The following SAMM50 variants were observed in gnomAD, a reference collection of about 807,000 sequenced individuals.
SAMM50 encodes sorting and assembly machinery component 50 homolog.
SAMM50 carries 47 observed loss-of-function variants against 66.9 expected under a neutral mutation model. The observed-to-expected ratio is 0.70, with a 90% CI of 0.56 to 0.90. The LOEUF is 0.90. SAMM50 is among the 40% of genes least tolerant of loss of function. The probability of loss-of-function intolerance (pLI) is 0.00; values close to 1 mark genes in which losing one functional copy is unlikely to be tolerated. For synonymous variants in SAMM50, 191 were observed against 214.1 expected (o/e 0.89, Z 0.94); for missense variants, 535 against 595.3 (o/e 0.90, Z 1.05).
At chr22:43,968,037 C>G (rs1252720938) in intron 3 of SAMM50, among the ~76,000 whole-genome samples, 1 of 151,658 alleles carries the variant, frequency 6.6e-6, no homozygotes, top group African/African-American at 2.4e-5. Context: ...GCCTGGCCAA[C>G]ATGGTGAAAT....
At chr22:43,956,103 G>A (rs1266399837) in intron 1 of SAMM50, among the ~76,000 whole-genome samples, 1 of 152,178 alleles carries the variant, frequency 6.6e-6, no homozygotes, top group South Asian at 2.1e-4. Context: ...TAAAGTGGAG[G>A]TAGTAATAGT....
chr22:43,966,676 G>A (rs775238987), intron 3 of SAMM50, among the ~76,000 whole-genome samples: 20 of 152,162 alleles, frequency 1.3e-4, no homozygotes, highest in Non-Finnish European at 1.8e-4. Flanking sequence ...CTCTCTTACA[G>A]CAGTCCATGA....
At chr22:43,985,134 C>G (rs2050285693) in intron 12 of SAMM50, among the ~76,000 whole-genome samples, 3 of 151,996 alleles carry the variant, frequency 2.0e-5, no homozygotes, top group South Asian at 4.2e-4. Flanking sequence ...CCGTATAACC[C>G]CCATAGCTTC....
chr22:43,996,283 A>G, intron 14 of SAMM50, 55 bp from the exon 15 acceptor site: 1 of 1,591,644 alleles, frequency 6.3e-7, no homozygotes, highest in Non-Finnish European at 8.6e-7. Flanking sequence ...GTGAGTCGTG[A>G]AGATGGCAGG....
chr22:43,983,980 G>A lies in SAMM50; in HGVS notation c.1055G>A (p.Ser352Asn). The change falls in exon 12 of 15, where the codon AGC becomes AAC. Residue 352 changes from serine (S) to asparagine (N), a missense_variant. Ser to Asn is a conservative substitution (Grantham distance 46). Coordinates refer to ENST00000350028, the MANE Select transcript of SAMM50 (RefSeq NM_015380.5). The surrounding 1 kb of genome is among the most constrained non-coding windows in gnomAD (Gnocchi z 4.2). ...PTSIRGFSMH[S>N]IGPQSEGDYL... ...AGCATCCGCGGATTCAGCATGCACAGCATCGGGCCACAGAGCGAAGGTCTG... is the reference window on the plus strand; with the variant it reads ...AGCATCCGCGGATTCAGCATGCACAACATCGGGCCACAGAGCGAAGGTCTG... The A allele has an allele frequency of 6.2e-7, 1 of 1,611,660 alleles. No homozygotes were observed. The highest frequency in any genetic ancestry group is 1.1e-5 in the South Asian group (1 of 90,380).
intron 1 of SAMM50, 106 bp downstream of exon 1, chr22:43,955,704 G>GAGGGTGCCA (rs2050115648): frequency 1.5e-6 from 2 of 1,303,052 alleles, no homozygotes; most frequent in African/African-American, 1.5e-5. Flanking sequence ...CACCGGGAGA[G>GAGGGTGCCA]AGGGTGCCAA....
chr22:43,977,822 C>T, intron 9 of SAMM50, 50 bp from the exon 10 acceptor site: 1 of 1,235,326 alleles, frequency 8.1e-7, no homozygotes, highest in Non-Finnish European at 1.2e-6. Flanking sequence ...TCTGTAGCCC[C>T]TGTAATAAGT....
chr22:43,965,460 G>A (rs1359600751), intron 3 of SAMM50, among the ~76,000 whole-genome samples: 5 of 152,008 alleles, frequency 3.3e-5, no homozygotes, highest in East Asian at 1.9e-4. Context: ...CACCTGCCTC[G>A]GCCTGCCAAA....
Position 43,977,971 on chromosome 22 carries a change from C to T in SAMM50, c.936+13C>T, listed in dbSNP as rs375928184. On this transcript the variant is annotated intron_variant, in intron 10 of 14. Coordinates refer to ENST00000350028, the MANE Select transcript of SAMM50 (RefSeq NM_015380.5). ...CATATTTGATTCAGTGAGTATCTAA[C>T]GGATGCTGGCACCTGCACTGTCAGC... 2.5e-4 allele frequency: 396 copies of T among 1,560,790 alleles called. No individual in the cohort carries two copies. The highest frequency in any genetic ancestry group is 6.7e-4 in the Middle Eastern group (4 of 5,998).
chr22:43,968,008 G>A (rs1233653903), intron 3 of SAMM50, among the ~76,000 whole-genome samples: 1 of 152,020 alleles, frequency 6.6e-6, no homozygotes, highest in Non-Finnish European at 1.5e-5. Flanking sequence ...GATCACCTGA[G>A]GTCAGGAGTT....
chr22:43,955,787 G>C (rs187440336), intron 1 of SAMM50, among the ~76,000 whole-genome samples, 189 bp downstream of exon 1: 2 of 152,362 alleles, frequency 1.3e-5, no homozygotes, highest in Non-Finnish European at 2.9e-5. Flanking sequence ...CCTTCGAGCA[G>C]GAACCTGATA....
At chr22:43,961,241 T>C (rs1346562223) in intron 1 of SAMM50, among the ~76,000 whole-genome samples, 1 of 152,216 alleles carries the variant, frequency 6.6e-6, no homozygotes, top group African/African-American at 2.4e-5. Flanking sequence ...TTGGTTCACA[T>C]AGTTTTCTCC....
chr22:43,965,281 C>T lies in SAMM50; in HGVS notation c.234+728C>T, dbSNP rs2050167414. 2.6e-5 allele frequency among the ~76,000 whole-genome samples: 4 copies of T among 151,822 alleles called. No individual in the cohort carries two copies. In the South Asian group the frequency reaches 8.3e-4, roughly 32 times the overall value. ...AGTGCAGTGACACAATCTCAGCTCA[C>T]TGCAACCTCTGCCTCCCAAGTTCAA... is the stretch of plus-strand genomic sequence containing the variant. On this transcript the variant is annotated intron_variant, in intron 3 of 14. Coordinates refer to ENST00000350028, the MANE Select transcript of SAMM50 (RefSeq NM_015380.5).
At chr22:43,956,135 A>G (rs1344953339) in intron 1 of SAMM50, among the ~76,000 whole-genome samples, 2 of 152,224 alleles carry the variant, frequency 1.3e-5, no homozygotes, top group African/African-American at 4.8e-5. Flanking sequence ...CTGGCTTAAA[A>G]GAGAATTAAA....
At chr22:43,968,659 C>G in intron 3 of SAMM50, 72 bp from the exon 4 acceptor site, 1 of 1,052,538 alleles carries the variant, frequency 9.5e-7, no homozygotes, top group South Asian at 1.3e-5. Flanking sequence ...CCAGCCTCGC[C>G]GTGTGGCTGC....
chr22:43,963,241 A>T (rs2050156498), intron 1 of SAMM50, 45 bp from the exon 2 acceptor site: 2 of 1,208,802 alleles, frequency 1.7e-6, no homozygotes, highest in East Asian at 2.4e-5. Flanking sequence ...GTGTGTGTAT[A>T]TATGTGACAA....
At chr22:43,957,616 G>T (rs562593113) in intron 1 of SAMM50, among the ~76,000 whole-genome samples, 1 of 152,126 alleles carries the variant, frequency 6.6e-6, no homozygotes, top group Non-Finnish European at 1.5e-5. Flanking sequence ...AGAGACGGGG[G>T]TTTCATCATG....
intron 12 of SAMM50, chr22:43,987,898 G>GTGTATA (rs1555888836): frequency 6.7e-6 from 1 of 149,196 alleles, no homozygotes; most frequent in East Asian, 2.0e-4. Context: ...TGGAAACTGT[G>GTGTATA]TATATATATA....
At chr22:43,968,911 C>A in intron 4 of SAMM50, 93 bp downstream of exon 4, 1 of 833,022 alleles carries the variant, frequency 1.2e-6, no homozygotes, top group Non-Finnish European at 2.0e-6. Context: ...GGCAGCAGAG[C>A]ACTGCTCCCT....
Sources: allele counts gnomAD v4.1 joint callset (sites outside exome capture counted in the v4.1 genomes callset), GRCh38; gene constraint gnomAD v4.1.1; non-coding constraint Gnocchi (gnomAD v3.1); transcripts MANE v1.5; gene names NCBI Gene and HGNC (gene_info 2026-07-23, HGNC 2026-07-21).